The following PIEZO2 variants were observed in gnomAD, a reference collection of about 807,000 sequenced individuals.
PIEZO2 encodes piezo type mechanosensitive ion channel component 2.
Under a neutral mutation model 337.3 loss-of-function variants are expected in PIEZO2, and 172 were observed. The ratio of observed to expected loss-of-function variants is 0.51; its 90% confidence interval spans 0.45 to 0.58. The LOEUF (loss-of-function observed/expected upper bound fraction) is 0.58. Ranked by LOEUF, PIEZO2 falls within the 20% of genes least tolerant of loss-of-function variation. The pLI, the probability that PIEZO2 is intolerant of heterozygous loss-of-function variation, is 0.00. For missense variants in PIEZO2, 3,028 were observed against 3,391.3 expected, an observed-to-expected ratio of 0.89 and a Z score of 2.66; for synonymous variants, 1,251 against 1,228.5, an observed-to-expected ratio of 1.02 and a Z score of -0.38.
chr18:10,801,961 T>C (rs1277428427), intron 9 of PIEZO2, among the ~76,000 whole-genome samples: 3 of 151,332 alleles, frequency 2.0e-5, no homozygotes, highest in South Asian at 2.1e-4. Context: ...TGGTGGGTGC[T>C]TGTAGTCCCA....
chr18:10,858,340 A>G (rs1356932385), intron 5 of PIEZO2, among the ~76,000 whole-genome samples: 7 of 150,140 alleles, frequency 4.7e-5, no homozygotes, highest in South Asian at 2.1e-4. Context: ...AAAAAAAAAA[A>G]AAAAAAAGAA....
chr18:11,045,471 C>T (rs1006739891), intron 2 of PIEZO2, among the ~76,000 whole-genome samples: 11 of 152,138 alleles, frequency 7.2e-5, no homozygotes, highest in African/African-American at 2.4e-4. Flanking sequence ...GAACCCTAGA[C>T]AGCACTTCAG....
intron 3 of PIEZO2, among the ~76,000 whole-genome samples, chr18:10,931,723 A>T (rs1049755908): frequency 4.1e-4 from 61 of 148,610 alleles, no homozygotes; most frequent in East Asian, 1.7e-3. Flanking sequence ...TGAGAGAGAG[A>T]GAGAGAGAGA....
intron 3 of PIEZO2, among the ~76,000 whole-genome samples, chr18:10,912,192 G>A (rs569856820): frequency 1.3e-5 from 2 of 152,190 alleles, no homozygotes; most frequent in South Asian, 2.1e-4. Flanking sequence ...ATTTTTCTAT[G>A]TAATATTTCT....
chr18:10,972,532 G>A (rs1440574734), intron 3 of PIEZO2, among the ~76,000 whole-genome samples: 1 of 152,096 alleles, frequency 6.6e-6, no homozygotes, highest in Admixed American at 6.6e-5. Context: ...AAAACTCAGG[G>A]TCACTAAAGA....
chr18:11,010,126 G>C (rs1446526921), intron 2 of PIEZO2, among the ~76,000 whole-genome samples: 5 of 152,158 alleles, frequency 3.3e-5, no homozygotes, highest in African/African-American at 4.8e-5. Flanking sequence ...CCTAATCAAA[G>C]ACAGATTTCA....
rs1054217869 is a variant in PIEZO2 at position 10,980,672 on chromosome 18, A to T, written c.161-1012T>A. Among the ~76,000 whole-genome samples, 1 of 152,252 alleles carries T rather than the reference A, an allele frequency of 6.6e-6. No individual in the cohort carries two copies. Among genetic ancestry groups the T allele is most frequent in the African/African-American group, 2.4e-5 (1 of 41,470 alleles). On this transcript the variant is annotated intron_variant, in intron 2 of 55. Transcript: ENST00000674853. The surrounding 1 kb of genome is among the most constrained non-coding windows in gnomAD (Gnocchi z 4.8). Reference sequence around the variant, plus strand: ...ACTATCAGAATATAAGAATTTAGAAAATGATTCAGATACAAAATCATCTTA... The same window carrying T: ...ACTATCAGAATATAAGAATTTAGAATATGATTCAGATACAAAATCATCTTA...
In PIEZO2 at chr18:11,128,330, C is replaced by A. The variant is rs181144458; in HGVS notation, c.64+20195G>T. ...AGAGCTGAAATTGTGGAAAAACAGA[C>A]ACAAGCTCTTATCATGAGAGTGGCT... On this transcript the variant is annotated intron_variant, in intron 1 of 55. Coordinates refer to ENST00000674853, the MANE Select transcript of PIEZO2 (RefSeq NM_001378183.1). This position sits in a 1 kb window ranked among gnomAD's most constrained non-coding sequence, Gnocchi z 4.1. Among the ~76,000 whole-genome samples, 47 of 152,264 alleles carry A rather than the reference C, an allele frequency of 3.1e-4. No homozygotes were observed. The East Asian group carries it at 9.1e-3, about 29-fold the overall frequency.
Position 10,979,709 on chromosome 18 carries a change from C to T in PIEZO2, c.161-49G>A. 1 of 1,476,956 alleles carries T rather than the reference C, an allele frequency of 6.8e-7. No individual in the cohort carries two copies. The highest frequency in any genetic ancestry group is 9.0e-7 in the Non-Finnish European group (1 of 1,107,738). The allele number at this position is 1,476,956 out of a possible 1,614,324, so 91.5% of individuals were successfully genotyped here. ...TTGTGAGAGAGCTTAAGATGAAACACACTGGTGCTGTCTCTTGTACATATT... is the reference window on the plus strand; with the variant it reads ...TTGTGAGAGAGCTTAAGATGAAACATACTGGTGCTGTCTCTTGTACATATT... On this transcript the variant is annotated intron_variant, in intron 2 of 55. Transcript: ENST00000674853. This position sits in a 1 kb window ranked among gnomAD's most constrained non-coding sequence, Gnocchi z 4.0.
rs974205176 is a variant in PIEZO2, at chr18:11,129,644, A to G, written c.64+18881T>C. Among the ~76,000 whole-genome samples the G allele has an allele frequency of 3.9e-5, 6 of 152,178 alleles. No individual in the cohort carries two copies. Among genetic ancestry groups the G allele is most frequent in the Admixed American group, 6.5e-5 (1 of 15,280 alleles). On this transcript the variant is annotated intron_variant, in intron 1 of 55. Coordinates refer to ENST00000674853, the MANE Select transcript of PIEZO2 (RefSeq NM_001378183.1). This position sits in a 1 kb window ranked among gnomAD's most constrained non-coding sequence, Gnocchi z 4.6. ...TCCCCTTGAGGAAGAACCCCACTAC[A>G]TTACGGACAATATATGCAGTGAATC... is the stretch of plus-strand genomic sequence containing the variant.
At chr18:10,912,603 C>A (rs181528185) in intron 3 of PIEZO2, among the ~76,000 whole-genome samples, 1 of 152,138 alleles carries the variant, frequency 6.6e-6, no homozygotes. Context: ...TAAACTCGTA[C>A]GGTGCTTAGG....
rs1459137843 is a variant in PIEZO2, at chr18:10,952,361, C to T, written c.286+27174G>A. 6.6e-6 allele frequency among the ~76,000 whole-genome samples: 1 copy of T among 150,810 alleles called. No homozygotes were observed. Among genetic ancestry groups the T allele is most frequent in the Admixed American group, 6.6e-5 (1 of 15,122 alleles). On this transcript the variant is annotated intron_variant, in intron 3 of 55. Transcript: ENST00000674853. This position sits in a 1 kb window ranked among gnomAD's most constrained non-coding sequence, Gnocchi z 4.1. ...AGTTCCATCAGCCCACCAAATTCTC[C>T]ATGGTCATTGTAGTCAGCCACTCCC...
chr18:11,061,517 A>G (rs142621155), intron 2 of PIEZO2, among the ~76,000 whole-genome samples: 8,291 of 152,256 alleles, frequency 0.054, 512 homozygotes, highest in African/African-American at 0.15. Context: ...GAATCGTCTC[A>G]GCCCACAATC....
chr18:11,005,205 G>A (rs1482816223), intron 2 of PIEZO2, among the ~76,000 whole-genome samples: 1 of 152,182 alleles, frequency 6.6e-6, no homozygotes, highest in African/African-American at 2.4e-5. Flanking sequence ...TTCACATCAG[G>A]CTTCTTCCCT....
Position 10,759,762 on chromosome 18 carries a change from A to G in PIEZO2, c.3598T>C (p.Cys1200Arg). Residue 1200 changes from cysteine (C) to arginine (R), a missense_variant, in exon 25 of 56, where the codon TGC (cysteine) becomes CGC (arginine). Physicochemically the swap from Cys to Arg is radical, Grantham distance 180. Transcript: ENST00000674853. The surrounding 1 kb of genome is among the most constrained non-coding windows in gnomAD (Gnocchi z 5.5). ...ATGAAATACTGGAAGGTGATGATGC[A>G]TGCCAGGAAGCAGCAGTACTTGGGC... ...IWPKYCCFLA[C>R]IITFQYFICI... The G allele has an allele frequency of 1.3e-6, 2 of 1,537,344 alleles. No individual in the cohort carries two copies. Among genetic ancestry groups the G allele is most frequent in the Non-Finnish European group, 1.7e-6 (2 of 1,146,930 alleles).
At chr18:10,687,624 GC>G (rs2034605525) in intron 49 of PIEZO2, among the ~76,000 whole-genome samples, 1 of 152,116 alleles carries the variant, frequency 6.6e-6, no homozygotes, top group Non-Finnish European at 1.5e-5. Flanking sequence ...ATCTAGGCTG[GC>G]CTTTAAACTT....
At chr18:10,974,542 T>C (rs1010739144) in intron 3 of PIEZO2, among the ~76,000 whole-genome samples, 4 of 152,072 alleles carry the variant, frequency 2.6e-5, no homozygotes, top group African/African-American at 9.7e-5. Context: ...AATAGACTTA[T>C]CCAAAGTCCT....
intron 2 of PIEZO2, among the ~76,000 whole-genome samples, chr18:10,995,581 C>T (rs1034368469): frequency 1.3e-5 from 2 of 152,092 alleles, no homozygotes; most frequent in African/African-American, 4.8e-5. Context: ...ATTGAGATAC[C>T]AGAAGTTCAA....
rs781552084 is a variant in PIEZO2 at position 10,841,658 on chromosome 18, G to A, written c.917+13695C>T. ...TTTCAAAATAAAAGCTGAATGGGGG[G>A]CTTGCCCTTCTAGAAATGCTAATGG... On this transcript the variant is annotated intron_variant, in intron 7 of 55. Coordinates refer to ENST00000674853, the MANE Select transcript of PIEZO2 (RefSeq NM_001378183.1). 6.0e-4 allele frequency among the ~76,000 whole-genome samples: 92 copies of A among 152,292 alleles called. No individual in the cohort carries two copies. The Middle Eastern group carries it at 0.02, about 34-fold the overall frequency.
Sources: gnomAD v4.1 joint callset for allele counts (sites outside exome capture counted in the v4.1 genomes callset) on GRCh38, gnomAD v4.1.1 for gene constraint, Gnocchi (gnomAD v3.1) non-coding constraint, MANE v1.5 for transcripts, NCBI Gene and HGNC (gene_info 2026-07-23, HGNC 2026-07-21) for gene names.